GLRA2: variants seen among roughly 807,000 people sequenced by gnomAD.
The protein encoded by GLRA2 is glycine receptor alpha 2.
In GLRA2, 11 loss-of-function variants were observed where a neutral mutation model predicts 31.6. The observed-to-expected ratio is 0.35, with a 90% CI of 0.22 to 0.58. The LOEUF is 0.58. Ranked by LOEUF, GLRA2 falls within the 20% of genes least tolerant of loss-of-function variation. The probability of loss-of-function intolerance (pLI) is 0.84; values close to 1 mark genes in which losing one functional copy is unlikely to be tolerated. For synonymous variants in GLRA2, 132 were observed against 134.0 expected (o/e 0.99, Z 0.10); for missense variants, 212 against 351.8 (o/e 0.60, Z 3.18).
At chrX:14,451,226 A>C in the GLRA2 span, among the ~76,000 whole-genome samples, 4 of 111,563 alleles carry the variant, frequency 3.6e-5, no homozygotes, top group African/African-American at 1.3e-4. Flanking sequence ...CTATAAAACA[A>C]CTATACAATC....
intron 2 of GLRA2, among the ~76,000 whole-genome samples, chrX:14,558,697 C>T (rs998991777): frequency 5.4e-5 from 6 of 112,021 alleles, no homozygotes; most frequent in African/African-American, 1.6e-4. Flanking sequence ...GTTTATTTGT[C>T]CATTTACTTA....
intron 8 of GLRA2, among the ~76,000 whole-genome samples, chrX:14,693,139 C>T (rs1382645697): frequency 9.1e-6 from 1 of 109,620 alleles, no homozygotes; most frequent in Non-Finnish European, 1.9e-5. Flanking sequence ...ATTATAAATG[C>T]AGTAAAGAAA....
intron 7 of GLRA2, among the ~76,000 whole-genome samples, chrX:14,655,377 T>A (rs1368648781): frequency 9.0e-6 from 1 of 111,400 alleles, no homozygotes; most frequent in African/African-American, 3.3e-5. Context: ...ATCTTTGCAG[T>A]GGTGGGTTCC....
the GLRA2 span, among the ~76,000 whole-genome samples, chrX:14,484,816 G>A: frequency 8.9e-6 from 1 of 111,861 alleles, no homozygotes; most frequent in Admixed American, 9.5e-5. Flanking sequence ...AAGGGCTGAT[G>A]CAATTAAAAT....
At chrX:14,662,921 T>A (rs867209503) in intron 7 of GLRA2, among the ~76,000 whole-genome samples, 11 of 112,172 alleles carry the variant, frequency 9.8e-5, no homozygotes, top group South Asian at 7.3e-4. Context: ...TCATTATATT[T>A]TGTATGAATA....
the GLRA2 span, among the ~76,000 whole-genome samples, chrX:14,520,719 C>A: frequency 8.9e-6 from 1 of 112,526 alleles, no homozygotes; most frequent in Non-Finnish European, 1.9e-5. Flanking sequence ...GCATGATGGG[C>A]ATCTTTATGC....
chrX:14,583,195 C>T (rs755005378), intron 4 of GLRA2, among the ~76,000 whole-genome samples: 15 of 111,401 alleles, frequency 1.3e-4, no homozygotes, highest in African/African-American at 4.6e-4. Flanking sequence ...ACAGAGAAAA[C>T]GGAACACTTA....
At chrX:14,557,076 C>T (rs1433264491) in intron 2 of GLRA2, among the ~76,000 whole-genome samples, 3 of 101,515 alleles carry the variant, frequency 3.0e-5, no homozygotes, top group Admixed American at 1.1e-4. Flanking sequence ...TTCTATTATA[C>T]TGCCATGTCT....
At chrX:14,637,988 A>T (rs2090729043) in intron 7 of GLRA2, among the ~76,000 whole-genome samples, 1 of 111,714 alleles carries the variant, frequency 9.0e-6, no homozygotes, top group African/African-American at 3.3e-5. Context: ...ACATTTTAGA[A>T]ATAAAAGAGG....
At chrX:14,664,490 C>T (rs966860597) in intron 7 of GLRA2, among the ~76,000 whole-genome samples, 1 of 111,548 alleles carries the variant, frequency 9.0e-6, no homozygotes, top group Non-Finnish European at 1.9e-5. Context: ...TTAGATTTTC[C>T]GTGTTGCTTA....
chrX:14,546,945 C>A (rs1011125228), intron 2 of GLRA2, among the ~76,000 whole-genome samples: 1 of 111,782 alleles, frequency 8.9e-6, no homozygotes, highest in Non-Finnish European at 1.9e-5. Flanking sequence ...GGTACCCTCT[C>A]AGTGTCTAAC....
At chrX:14,601,920 G>T (rs1474275593) in intron 4 of GLRA2, among the ~76,000 whole-genome samples, 2 of 111,532 alleles carry the variant, frequency 1.8e-5, no homozygotes, top group African/African-American at 6.5e-5. Context: ...TTTGAGATAC[G>T]ATGAACAGAA....
intron 7 of GLRA2, among the ~76,000 whole-genome samples, chrX:14,612,177 A>G (rs1265216281): frequency 8.9e-6 from 1 of 112,068 alleles, no homozygotes; most frequent in East Asian, 2.8e-4. Flanking sequence ...CAGAACAGAC[A>G]CTTCTCAAAA....
the GLRA2 span, among the ~76,000 whole-genome samples, chrX:14,460,233 T>C: frequency 8.9e-6 from 1 of 111,857 alleles, no homozygotes; most frequent in African/African-American, 3.3e-5. Context: ...GATTTGATTG[T>C]GGTGGATAAG....
intron 5 of GLRA2, among the ~76,000 whole-genome samples, chrX:14,606,191 C>T (rs1172455653): frequency 9.3e-6 from 1 of 107,224 alleles, no homozygotes; most frequent in African/African-American, 3.4e-5. Flanking sequence ...AGGATTTTGG[C>T]CAGCCAAGAC....
At chrX:14,687,568 T>C (rs1276340324) in intron 7 of GLRA2, among the ~76,000 whole-genome samples, 3 of 112,201 alleles carry the variant, frequency 2.7e-5, no homozygotes, top group Non-Finnish European at 3.8e-5. Flanking sequence ...CTTGAATCAC[T>C]GATACCCTTT....
At chrX:14,642,106 C>A (rs1346332671) in intron 7 of GLRA2, among the ~76,000 whole-genome samples, 36 of 111,737 alleles carry the variant, frequency 3.2e-4, no homozygotes, top group African/African-American at 1.2e-3. Flanking sequence ...AGTAACACTC[C>A]TATAAAGGTT....
the GLRA2 span, among the ~76,000 whole-genome samples, chrX:14,503,594 T>C: frequency 8.9e-6 from 1 of 111,738 alleles, no homozygotes; most frequent in Non-Finnish European, 1.9e-5. Context: ...TCAGCATGTG[T>C]CGCTAACCTT....
At chrX:14,522,582 A>G in the GLRA2 span, among the ~76,000 whole-genome samples, 1 of 112,383 alleles carries the variant, frequency 8.9e-6, no homozygotes, top group Non-Finnish European at 1.9e-5. Context: ...TATGGCAGCT[A>G]TAGATTTACA....
Sources: gnomAD v4.1 joint callset for allele counts (sites outside exome capture counted in the v4.1 genomes callset) on GRCh38, gnomAD v4.1.1 for gene constraint, MANE v1.5 for transcripts, NCBI Gene and HGNC (gene_info 2026-07-23, HGNC 2026-07-21) for gene names.